The following MACROD2 variants were observed in gnomAD, a reference collection of about 807,000 sequenced individuals.
MACROD2 encodes mono-ADP ribosylhydrolase 2.
A neutral mutation model predicts 70.4 loss-of-function variants in MACROD2; 36 were observed. The observed-to-expected ratio is 0.51, with a 90% confidence interval of 0.39 to 0.68. MACROD2 has a LOEUF of 0.68. MACROD2 is among the 30% of genes least tolerant of loss of function. MACROD2 has a pLI of 0.00. For synonymous variants in MACROD2, 172 were observed against 178.8 expected, an observed-to-expected ratio of 0.96 and a Z score of 0.30; for missense variants, 496 against 538.4, an observed-to-expected ratio of 0.92 and a Z score of 0.78.
At chr20:14,890,716 C>T (rs1039959756) in intron 5 of MACROD2, among the ~76,000 whole-genome samples, 2 of 147,604 alleles carry the variant, frequency 1.4e-5, no homozygotes, top group African/African-American at 5.0e-5. Context: ...GAGCTAGGGC[C>T]ACTGCACTCC....
chr20:14,025,891 A>G (rs62207755), intron 2 of MACROD2, among the ~76,000 whole-genome samples: 10,509 of 152,144 alleles, frequency 0.069, 406 homozygotes, highest in Non-Finnish European at 0.078. Flanking sequence ...TCAAGCCCTG[A>G]ATATCCTTGT....
intron 5 of MACROD2, among the ~76,000 whole-genome samples, chr20:15,035,993 G>C (rs1677165479): frequency 6.6e-6 from 1 of 152,114 alleles, no homozygotes; most frequent in Non-Finnish European, 1.5e-5. Context: ...AGGGGAATGG[G>C]GGGAGGATGG....
chr20:15,113,520 A>G (rs1031730668), intron 5 of MACROD2, among the ~76,000 whole-genome samples: 1 of 152,162 alleles, frequency 6.6e-6, no homozygotes, highest in Non-Finnish European at 1.5e-5. Context: ...TAATGTCAGT[A>G]TTTAGAAACT....
chr20:14,608,019 G>A (rs765733444), intron 4 of MACROD2, among the ~76,000 whole-genome samples: 11 of 152,104 alleles, frequency 7.2e-5, no homozygotes, highest in Non-Finnish European at 1.5e-4. Context: ...TTGGGAGGCC[G>A]AGGTGGGTGG....
chr20:15,986,033 C>T (rs2066477856), intron 13 of MACROD2: 1 of 152,206 alleles, frequency 6.6e-6, no homozygotes, highest in Non-Finnish European at 1.5e-5. Flanking sequence ...TCACAATAGT[C>T]TTCTATACAA....
At chr20:15,934,999 C>G (rs1332737162) in intron 11 of MACROD2, among the ~76,000 whole-genome samples, 1 of 84,226 alleles carries the variant, frequency 1.2e-5, no homozygotes, top group South Asian at 6.4e-4. Context: ...CCAAAGTGTC[C>G]TTATCGAAAA....
At chr20:14,306,961 A>G (rs1400096884) in intron 3 of MACROD2, among the ~76,000 whole-genome samples, 47 of 151,948 alleles carry the variant, frequency 3.1e-4, no homozygotes, top group Non-Finnish European at 1.8e-4. Context: ...TGCTGCAGCT[A>G]GAACATAGGT....
intron 5 of MACROD2, among the ~76,000 whole-genome samples, chr20:15,154,738 C>T (rs887027606): frequency 3.3e-5 from 5 of 152,182 alleles, no homozygotes; most frequent in African/African-American, 9.7e-5. Flanking sequence ...CCTCAGGGCT[C>T]GATCACTTCC....
chr20:15,143,758 TA>T (rs1209997187), intron 5 of MACROD2, among the ~76,000 whole-genome samples: 1 of 96,384 alleles, frequency 1.0e-5, no homozygotes, highest in African/African-American at 3.8e-5. Context: ...TTATATCTGT[TA>T]ATTTTTTTCT....
chr20:15,436,861 A>T (rs2046433991), intron 7 of MACROD2, among the ~76,000 whole-genome samples: 1 of 152,162 alleles, frequency 6.6e-6, no homozygotes, highest in Non-Finnish European at 1.5e-5. Context: ...GGTTTTTAGA[A>T]TCATTTCCTG....
At chr20:15,229,717 G>T (rs1465753443) in intron 5 of MACROD2, among the ~76,000 whole-genome samples, 1 of 152,104 alleles carries the variant, frequency 6.6e-6, no homozygotes, top group African/African-American at 2.4e-5. Context: ...ACTTGTTGGG[G>T]ATTCCTTTTC....
intron 5 of MACROD2, among the ~76,000 whole-genome samples, chr20:15,145,084 A>T (rs2076220876): frequency 1.3e-5 from 2 of 152,160 alleles, no homozygotes; most frequent in Admixed American, 1.3e-4. Flanking sequence ...GTAAATGGTT[A>T]TCTTGGAGTC....
rs1000385775 is a variant in MACROD2, at chr20:15,431,345, A to T, written c.541-60A>T. On this transcript the variant is annotated intron_variant, in intron 6 of 17. Transcript: ENST00000684519. ...TCAAACAAAATAGATGTTGAGAAAG[A>T]TGATGTTGCGTAGAGTTGTTTCTTT... 1.2e-5 allele frequency: 18 copies of T among 1,446,408 alleles called. No homozygotes were observed. The African/African-American group carries it at 2.1e-4, about 17-fold the overall frequency. The allele number at this position is 1,446,408 out of a possible 1,614,324, so 89.6% of individuals were successfully genotyped here.
At chr20:14,990,538 G>A (rs2074893158) in intron 5 of MACROD2, among the ~76,000 whole-genome samples, 1 of 144,022 alleles carries the variant, frequency 6.9e-6, no homozygotes. Context: ...TTTTGAGATG[G>A]AGTCTCGCTC....
chr20:14,682,632 C>T (rs2070947706), intron 4 of MACROD2, among the ~76,000 whole-genome samples: 1 of 152,000 alleles, frequency 6.6e-6, no homozygotes, highest in South Asian at 2.1e-4. Flanking sequence ...CTGGTCTATT[C>T]ATTTTAAGTG....
chr20:15,343,087 T>C (rs2078127533), intron 6 of MACROD2, among the ~76,000 whole-genome samples: 1 of 152,240 alleles, frequency 6.6e-6, no homozygotes, highest in African/African-American at 2.4e-5. Flanking sequence ...AATTGCAGCA[T>C]GAACAGTACA....
intron 5 of MACROD2, among the ~76,000 whole-genome samples, chr20:14,762,354 A>G (rs1449055477): frequency 2.6e-5 from 4 of 152,102 alleles, no homozygotes; most frequent in Admixed American, 6.5e-5. Context: ...ACTGAGTGAC[A>G]GATTCTTCTT....
At chr20:14,462,711 A>G (rs992359901) in intron 3 of MACROD2, among the ~76,000 whole-genome samples, 22 of 152,062 alleles carry the variant, frequency 1.4e-4, no homozygotes, top group African/African-American at 5.3e-4. Context: ...TAATTTTTGT[A>G]TAAGTTGTAA....
chr20:15,987,025 C>T (rs933483929), intron 14 of MACROD2, 41 bp from the exon 15 acceptor site: 110 of 1,527,354 alleles, frequency 7.2e-5, no homozygotes, highest in Non-Finnish European at 9.4e-5. Flanking sequence ...ATGATTCCAA[C>T]TAAAACAACC....
Sources: gnomAD v4.1 joint callset for allele counts (sites outside exome capture counted in the v4.1 genomes callset) on GRCh38, gnomAD v4.1.1 for gene constraint, MANE v1.5 for transcripts, NCBI Gene and HGNC (gene_info 2026-07-23, HGNC 2026-07-21) for gene names.